Variants in DGUOK observed in about 807,000 individuals in gnomAD.
DGUOK encodes the protein deoxyguanosine kinase, mitochondrial.
A neutral mutation model predicts 36.6 loss-of-function variants in DGUOK; 30 were observed. The ratio of observed to expected loss-of-function variants is 0.82; its 90% confidence interval spans 0.61 to 1.11. The LOEUF (loss-of-function observed/expected upper bound fraction) is 1.11, where lower values mean the gene tolerates loss of function less well. Among genes scored for constraint, DGUOK ranks in the 50% most tolerant of loss-of-function variants. DGUOK has a pLI of 0.00. For missense variants in DGUOK, 361 were observed against 336.4 expected (o/e 1.07, Z -0.57); for synonymous variants, 145 against 126.3 (o/e 1.15, Z -0.99).
intron 2 of DGUOK, among the ~76,000 whole-genome samples, chr2:73,942,843 C>A (rs1300054641): frequency 1.3e-5 from 2 of 152,142 alleles, no homozygotes; most frequent in African/African-American, 4.8e-5. Context: ...TTTCAGTAGA[C>A]CGTGTGGTAC....
intron 2 of DGUOK, among the ~76,000 whole-genome samples, chr2:73,943,473 T>A (rs1252636423): frequency 1.3e-5 from 2 of 152,024 alleles, no homozygotes; most frequent in East Asian, 3.9e-4. Flanking sequence ...ATGTGTAGTT[T>A]GTGACAGGTT....
intron 2 of DGUOK, among the ~76,000 whole-genome samples, chr2:73,945,073 C>T (rs1051779041): frequency 2.6e-5 from 4 of 152,242 alleles, no homozygotes; most frequent in Admixed American, 6.5e-5. Flanking sequence ...TAAGACCCTT[C>T]TTTGGAATCT....
intron 3 of DGUOK, chr2:73,947,138 C>T: frequency 1.8e-6 from 1 of 560,004 alleles, no homozygotes; most frequent in South Asian, 2.0e-5. Context: ...GAATTTCTTA[C>T]ATTGCTACTG....
intron 2 of DGUOK, among the ~76,000 whole-genome samples, chr2:73,944,317 G>A (rs1361131074): frequency 6.6e-6 from 1 of 152,138 alleles, no homozygotes; most frequent in Non-Finnish European, 1.5e-5. Flanking sequence ...CCCATACCTA[G>A]CCCTTAAACT....
chr2:73,930,483 C>T (rs546233816), intron 1 of DGUOK, among the ~76,000 whole-genome samples: 32 of 152,286 alleles, frequency 2.1e-4, no homozygotes, highest in Middle Eastern at 3.4e-3. Flanking sequence ...GAGAAACACA[C>T]CCCTAAAGGA....
chr2:73,940,802 G>T (rs1418038581), intron 2 of DGUOK, among the ~76,000 whole-genome samples: 1 of 152,228 alleles, frequency 6.6e-6, no homozygotes, highest in Non-Finnish European at 1.5e-5. Context: ...AGGAGCAATA[G>T]GGTGTGTCAT....
chr2:73,930,782 CTT>C (rs1020072202), intron 1 of DGUOK, among the ~76,000 whole-genome samples: 1,014 of 95,478 alleles, frequency 0.011, 6 homozygotes, highest in Non-Finnish European at 0.017. Flanking sequence ...ACATAATTTT[CTT>C]TTTTTTTTTC....
chr2:73,932,956 G>A (rs763136659), intron 1 of DGUOK, among the ~76,000 whole-genome samples: 6 of 152,086 alleles, frequency 3.9e-5, no homozygotes, highest in Non-Finnish European at 5.9e-5. Flanking sequence ...ATTATCTTAC[G>A]ATTACAAGCG....
At chr2:73,928,595 TAGG>T (rs1680784672) in intron 1 of DGUOK, among the ~76,000 whole-genome samples, 3 of 151,988 alleles carry the variant, frequency 2.0e-5, no homozygotes, top group Admixed American at 2.0e-4. Context: ...GTTCGGGGAA[TAGG>T]AGGGAAATCG....
intron 2 of DGUOK, among the ~76,000 whole-genome samples, chr2:73,941,112 G>A (rs1681872353): frequency 1.3e-5 from 2 of 152,162 alleles, no homozygotes; most frequent in South Asian, 4.1e-4. Flanking sequence ...ATCTTGTTCT[G>A]GGGGAAGCCA....
intron 4 of DGUOK, among the ~76,000 whole-genome samples, chr2:73,953,290 A>ATCG (rs70965773): frequency 1.5e-3 from 206 of 140,814 alleles, no homozygotes; most frequent in Non-Finnish European, 2.4e-3. Context: ...CATCATCATC[A>ATCG]TCGTCGTCGT....
At chr2:73,935,382 A>G (rs766810361) in intron 1 of DGUOK, among the ~76,000 whole-genome samples, 1 of 152,200 alleles carries the variant, frequency 6.6e-6, no homozygotes, top group Non-Finnish European at 1.5e-5. Context: ...CTTCTGAAGC[A>G]ATGGAGAGCA....
chr2:73,928,038 T>C (rs983106358), intron 1 of DGUOK, among the ~76,000 whole-genome samples: 2 of 152,136 alleles, frequency 1.3e-5, no homozygotes, highest in African/African-American at 4.8e-5. Context: ...AGATGGACAA[T>C]AAACAACATA....
intron 2 of DGUOK, among the ~76,000 whole-genome samples, chr2:73,941,615 C>T (rs571892367): frequency 6.6e-6 from 1 of 152,204 alleles, no homozygotes; most frequent in African/African-American, 2.4e-5. Flanking sequence ...TTGTAGTGTA[C>T]TGCATAATAT....
chr2:73,943,993 G>A (rs931335611), intron 2 of DGUOK, among the ~76,000 whole-genome samples: 5 of 152,030 alleles, frequency 3.3e-5, no homozygotes, highest in Admixed American at 2.6e-4. Flanking sequence ...TTTCTTTAAA[G>A]AGTCTCACTC....
intron 1 of DGUOK, among the ~76,000 whole-genome samples, chr2:73,933,988 GA>G (rs1681260404): frequency 6.6e-6 from 1 of 152,160 alleles, no homozygotes; most frequent in Non-Finnish European, 1.5e-5. Context: ...TTTGGTAAAA[GA>G]TTTCAGAATT....
intron 1 of DGUOK, among the ~76,000 whole-genome samples, chr2:73,936,595 A>G (rs1289226883): frequency 1.3e-5 from 2 of 152,226 alleles, no homozygotes; most frequent in Non-Finnish European, 2.9e-5. Flanking sequence ...AGTAACCATA[A>G]GTGGAAGGAT....
At chr2:73,958,630 CTGCATA>C in intron 6 of DGUOK, 74 bp from the exon 7 acceptor site, 5 of 1,214,522 alleles carry the variant, frequency 4.1e-6, no homozygotes, top group Non-Finnish European at 6.1e-6. Flanking sequence ...ATGGGCTTGG[CTGCATA>C]TGCATTGGGG....
chr2:73,951,892 G>A (rs530675341), intron 4 of DGUOK, among the ~76,000 whole-genome samples: 2 of 152,348 alleles, frequency 1.3e-5, no homozygotes, highest in African/African-American at 2.4e-5. Flanking sequence ...AAACTGGGCT[G>A]GTGCAGTGGC....
Sources: allele counts gnomAD v4.1 joint callset (sites outside exome capture counted in the v4.1 genomes callset), GRCh38; gene constraint gnomAD v4.1.1; transcripts MANE v1.5; gene names NCBI Gene and HGNC (gene_info 2026-07-23, HGNC 2026-07-21).